ABCC10: variants seen among roughly 807,000 people sequenced by gnomAD.
The protein encoded by ABCC10 is ATP-binding cassette sub-family C member 10.
Under a neutral mutation model 143.2 loss-of-function variants are expected in ABCC10, and 110 were observed. That is an observed-to-expected ratio of 0.77 (90% CI 0.66 to 0.90). The LOEUF is 0.90. ABCC10 is among the 40% of genes least tolerant of loss of function. The probability of loss-of-function intolerance (pLI) is 0.00; values close to 1 mark genes in which losing one functional copy is unlikely to be tolerated. For synonymous variants in ABCC10, 805 were observed against 846.7 expected, an observed-to-expected ratio of 0.95 and a Z score of 0.85; for missense variants, 1,700 against 1,900.5, an observed-to-expected ratio of 0.89 and a Z score of 1.96.
intron 6 of ABCC10, among the ~76,000 whole-genome samples, 187 bp from the exon 7 acceptor site, chr6:43,437,747 C>T (rs1358136761): frequency 6.6e-6 from 1 of 152,178 alleles, no homozygotes; most frequent in Non-Finnish European, 1.5e-5. Context: ...AAAAAACACC[C>T]TACTTTTCTA....
chr6:43,432,377 CCCTTGG>C lies in ABCC10; in HGVS notation c.406_411del (p.Ala137_Leu138del), dbSNP rs1781231603. 6.2e-7 allele frequency: 1 copy of C among 1,612,964 alleles called. No individual in the cohort carries two copies. The highest frequency in any genetic ancestry group is 8.5e-7 in the Non-Finnish European group (1 of 1,180,026). On this transcript the variant is annotated inframe_deletion, in exon 3 of 22. Coordinates refer to ENST00000372530, the MANE Select transcript of ABCC10 (RefSeq NM_001198934.2). Reference sequence around the variant, plus strand: ...TTCCCCTCATGGCCACTCCCGGGGTCCCTTGGCCTTGGCCCTGGTAGCCTTGCTGCC... The same window carrying C: ...TTCCCCTCATGGCCACTCCCGGGGTCCCTTGGCCCTGGTAGCCTTGCTGCC...
chr6:43,438,180 G>A, intron 7 of ABCC10, 167 bp downstream of exon 7: 1 of 939,098 alleles, frequency 1.1e-6, no homozygotes, highest in Non-Finnish European at 1.6e-6. Context: ...GGCCAAGAAA[G>A]CGAATCATTG....
Position 43,445,868 on chromosome 6 carries a change from G to A in ABCC10, c.3300G>A (p.Leu1100=). The part of the protein sequence containing the change: ...RELRRLGSLT[L]SPLYSHLADT... ...TGCGGCGCCTGGGCAGCCTCACCCT[G>A]TCTCCACTGTATAGCCATCTGGCCG... The change falls in exon 15 of 22, where the codon CTG becomes CTA. Residue 1100 remains leucine, a synonymous_variant. Coordinates refer to ENST00000372530, the MANE Select transcript of ABCC10 (RefSeq NM_001198934.2). 6.2e-7 allele frequency: 1 copy of A among 1,614,090 alleles called. No homozygotes were observed. The highest frequency in any genetic ancestry group is 8.5e-7 in the Non-Finnish European group (1 of 1,180,036).
At chr6:43,436,006 A>G (rs1581724725) in intron 5 of ABCC10, 99 bp downstream of exon 5, 1 of 1,597,672 alleles carries the variant, frequency 6.3e-7, no homozygotes, top group East Asian at 2.2e-5. Flanking sequence ...GCTTAGAGAG[A>G]GCGGAATCCA....
downstream of ABCC10, chr6:43,451,314 C>G (rs1156673707): frequency 6.3e-7 from 1 of 1,593,958 alleles, no homozygotes; most frequent in East Asian, 2.2e-5. This position sits in a 1 kb window ranked among gnomAD's most constrained non-coding sequence, Gnocchi z 4.4. Flanking sequence ...ACCAACTTAC[C>G]AACACCTGTA....
chr6:43,450,693 C>T (rs371794983), downstream of ABCC10: 28 of 1,613,858 alleles, frequency 1.7e-5, no homozygotes, highest in East Asian at 2.2e-4. The surrounding 1 kb of genome is among the most constrained non-coding windows in gnomAD (Gnocchi z 4.5). Flanking sequence ...GACACCCCGG[C>T]GCCAGGCCCT....
chr6:43,439,811 T>C (rs1015811931), intron 8 of ABCC10, among the ~76,000 whole-genome samples: 5 of 152,180 alleles, frequency 3.3e-5, no homozygotes, highest in African/African-American at 7.2e-5. Flanking sequence ...CTCCATCTCC[T>C]GACCTTGTGA....
At chr6:43,450,439 C>T (rs946126417), downstream of ABCC10, 9 of 1,351,778 alleles carry the variant, frequency 6.7e-6, no homozygotes, top group Non-Finnish European at 9.0e-6. This position sits in a 1 kb window ranked among gnomAD's most constrained non-coding sequence, Gnocchi z 4.5. Flanking sequence ...GCTGAGGTCT[C>T]CTCTGTGTGT....
At position 43,444,335 on chromosome 6, in the gene ABCC10, T is replaced by G. The variant is rs1474658143; in HGVS notation, c.2671T>G (p.Ser891Ala). Residue 891 changes from serine (S) to alanine (A), a missense_variant, in exon 12 of 22, where the codon TCT becomes GCT. Ser to Ala is a moderately conservative substitution (Grantham distance 99, BLOSUM62 1). Transcript: ENST00000372530. ...GQGLALAILF[S>A]LLLMQATRNA... ...GGGCTTGGCCTTAGCCATCCTCTTC[T>G]CTCTGCTTCTCATGCAAGGTGAGAG... 2 of 1,607,832 alleles carry G rather than the reference T, an allele frequency of 1.2e-6. No individual in the cohort carries two copies. Among genetic ancestry groups the G allele is most frequent in the South Asian group, 2.2e-5 (2 of 90,342 alleles).
At chr6:43,427,936 T>A (rs1780678164) in intron 1 of ABCC10, 32 bp from the exon 2 acceptor site, 1 of 1,609,018 alleles carries the variant, frequency 6.2e-7, no homozygotes, top group African/African-American at 1.3e-5. Flanking sequence ...GCTGTTACCC[T>A]GCACAGCCGT....
chr6:43,433,085 C>CAA lies in ABCC10; in HGVS notation c.1106_1107insAA (p.Leu370SerfsTer13). 6.2e-7 allele frequency: 1 copy of CAA among 1,614,160 alleles called. No individual in the cohort carries two copies. Among genetic ancestry groups the CAA allele is most frequent in the Middle Eastern group, 1.6e-4 (1 of 6,062 alleles). ...GAACATCCTGTACTGCAAGGCTTTA[C>CAA]AGCTGGGGCCCAGCCGCCCTCCTAC... On this transcript the variant is annotated frameshift_variant, in exon 3 of 22. Transcript: ENST00000372530. LOFTEE classifies it high-confidence loss of function.
chr6:43,444,922 T>C lies in ABCC10; in HGVS notation c.2824T>C (p.Ser942Pro). ...GLFSPQLLLF[S>P]PGNLYIPVFP... ...CTTCTCTCCGCAGCTGCTCCTCTTT[T>C]CCCCTGGAAACCTCTAGTGAGTGGC... Residue 942 changes from serine (S) to proline (P), a missense_variant, in exon 13 of 22, where the codon TCC becomes CCC. By Grantham distance (74) the Ser-to-Pro change is moderately conservative (BLOSUM62 -1). Transcript: ENST00000372530. 6.2e-7 allele frequency: 1 copy of C among 1,612,880 alleles called. No individual in the cohort carries two copies. The highest frequency in any genetic ancestry group is 1.1e-5 in the South Asian group (1 of 90,910).
chr6:43,445,416 C>A, intron 14 of ABCC10, 102 bp downstream of exon 14: 1 of 1,409,950 alleles, frequency 7.1e-7, no homozygotes, highest in Non-Finnish European at 9.6e-7. Flanking sequence ...GTCTTTCCTG[C>A]CCTGGGATAT....
At chr6:43,451,040 G>T (rs373893995), downstream of ABCC10, 3 of 1,614,122 alleles carry the variant, frequency 1.9e-6, no homozygotes, top group Non-Finnish European at 2.5e-6. This position sits in a 1 kb window ranked among gnomAD's most constrained non-coding sequence, Gnocchi z 4.4. Flanking sequence ...ATGGGCGGCT[G>T]GCACAGTCAT....
Position 43,433,315 on chromosome 6 carries a change from G to A in ABCC10, c.1335G>A (p.Met445Ile). The change falls in exon 3 of 22, where the codon ATG becomes ATA. Residue 445 changes from methionine (M) to isoleucine (I), a missense_variant. Physicochemically the swap from Met to Ile is conservative, Grantham distance 10. Coordinates refer to ENST00000372530, the MANE Select transcript of ABCC10 (RefSeq NM_001198934.2). ...ACAAAGTGATTGCCACCCGCATCATGGCCAGCAACCAGGAAATGCTACAGC... is the reference window on the plus strand; with the variant it reads ...ACAAAGTGATTGCCACCCGCATCATAGCCAGCAACCAGGAAATGCTACAGC... ...PVNKVIATRI[M>I]ASNQEMLQHK... The A allele has an allele frequency of 1.2e-6, 2 of 1,613,956 alleles. No homozygotes were observed. Among genetic ancestry groups the A allele is most frequent in the East Asian group, 4.5e-5 (2 of 44,880 alleles).
In ABCC10 at chr6:43,449,177, G is replaced by T. The variant is rs775150002; in HGVS notation, c.4176G>T (p.Leu1392Phe). The change falls in exon 20 of 22, where the codon TTG becomes TTT. Residue 1392 changes from leucine (L) to phenylalanine (F), a missense_variant. Coordinates refer to ENST00000372530, the MANE Select transcript of ABCC10 (RefSeq NM_001198934.2). Reference protein sequence around the residue: ...LSLGQRQLLCLARALLTDAKI... With the variant: ...LSLGQRQLLCFARALLTDAKI... Reference sequence around the variant, plus strand: ...TTGGGCAGAGGCAGCTGTTGTGTTTGGCCAGGGCTCTCCTCACAGATGCCA... The same window carrying T: ...TTGGGCAGAGGCAGCTGTTGTGTTTTGCCAGGGCTCTCCTCACAGATGCCA... The T allele has an allele frequency of 2.5e-6, 4 of 1,614,098 alleles. No homozygotes were observed. The highest frequency in any genetic ancestry group is 2.2e-5 in the East Asian group (1 of 44,868).
chr6:43,437,404 G>A (rs1471508833), intron 6 of ABCC10, among the ~76,000 whole-genome samples: 20 of 131,158 alleles, frequency 1.5e-4, no homozygotes, highest in Non-Finnish European at 2.6e-4. Context: ...ATTTTTTTGA[G>A]CAGGGAGATA....
Position 43,443,950 on chromosome 6 carries a change from C to G in ABCC10, c.2434C>G (p.Leu812Val). 1 of 1,614,078 alleles carries G rather than the reference C, an allele frequency of 6.2e-7. No individual in the cohort carries two copies. ...CCCTCCAGGACCTCCCTCTGAGATTCTGCCACTGGTACAAGCTGTCCCCAA... is the reference window on the plus strand; with the variant it reads ...CCCTCCAGGACCTCCCTCTGAGATTGTGCCACTGGTACAAGCTGTCCCCAA... ...LIRAGPPSEI[L>V]PLVQAVPKAW... The change falls in exon 11 of 22, where the codon CTG becomes GTG. Residue 812 changes from leucine (L) to valine (V), a missense_variant. Transcript: ENST00000372530. The surrounding 1 kb of genome is among the most constrained non-coding windows in gnomAD (Gnocchi z 4.2).
rs763977573 is a variant in ABCC10, at chr6:43,444,005, A to T, written c.2489A>T (p.Asp830Val). 6.2e-7 allele frequency: 1 copy of T among 1,613,910 alleles called. No homozygotes were observed. Among genetic ancestry groups the T allele is most frequent in the African/African-American group, 1.3e-5 (1 of 74,998 alleles). The part of the protein sequence containing the change: ...KAWAENGQES[D>V]SATAQSVQNP... ...TGGGCTGAGAATGGACAAGAGTCTG[A>T]CTCAGGTATGGCTCCCCAGTGGGAG... Residue 830 changes from aspartate (D) to valine (V), a missense_variant, in exon 11 of 22, where the codon GAC becomes GTC. Asp to Val is a radical substitution (Grantham distance 152). Coordinates refer to ENST00000372530, the MANE Select transcript of ABCC10 (RefSeq NM_001198934.2).
Sources: gnomAD v4.1 joint callset for allele counts (sites outside exome capture counted in the v4.1 genomes callset) on GRCh38, gnomAD v4.1.1 for gene constraint, Gnocchi (gnomAD v3.1) non-coding constraint, MANE v1.5 for transcripts, NCBI Gene and HGNC (gene_info 2026-07-23, HGNC 2026-07-21) for gene names.